The following ARMH3 variants were observed in gnomAD, a reference collection of about 807,000 sequenced individuals.
The protein encoded by ARMH3 is armadillo like helical domain containing 3, also known as armadillo-like helical domain-containing protein 3.
Under a neutral mutation model 99.1 loss-of-function variants are expected in ARMH3, and 60 were observed. The observed-to-expected ratio is 0.61, with a 90% CI of 0.49 to 0.75. ARMH3 has a LOEUF of 0.75. ARMH3 is among the 30% of genes least tolerant of loss of function. The pLI is 0.00. For missense variants in ARMH3, 679 were observed against 843.1 expected (o/e 0.81, Z 2.41); for synonymous variants, 285 against 292.8 (o/e 0.97, Z 0.27).
At chr10:101,971,351 G>A (rs373147236) in intron 20 of ARMH3, among the ~76,000 whole-genome samples, 18 of 152,082 alleles carry the variant, frequency 1.2e-4, no homozygotes, top group African/African-American at 4.1e-4. Flanking sequence ...GACAGAGGAG[G>A]GCAGATCACC....
At chr10:101,847,679 G>C in intron 25 of ARMH3, 59 bp from the exon 26 acceptor site, 1 of 1,505,552 alleles carries the variant, frequency 6.6e-7, no homozygotes, top group Non-Finnish European at 9.2e-7. Context: ...ACAGGAGAGA[G>C]TCAGTTCTAA....
chr10:101,905,916 G>A (rs1054439629), intron 23 of ARMH3, among the ~76,000 whole-genome samples: 2 of 152,130 alleles, frequency 1.3e-5, no homozygotes, highest in African/African-American at 4.8e-5. Context: ...TTGTCTGTCC[G>A]TCTTTTCCCG....
intron 24 of ARMH3, among the ~76,000 whole-genome samples, chr10:101,880,722 A>G (rs912557769): frequency 2.0e-5 from 3 of 152,158 alleles, no homozygotes; most frequent in Non-Finnish European, 4.4e-5. Context: ...AAGCTGAAGT[A>G]TCAGGCTCCA....
At chr10:102,022,420 A>G (rs2066905856) in intron 8 of ARMH3, among the ~76,000 whole-genome samples, 1 of 142,296 alleles carries the variant, frequency 7.0e-6, no homozygotes, top group Non-Finnish European at 1.5e-5. Context: ...TGAACCCAGG[A>G]GGCGGAGCTT....
chr10:101,875,399 G>T (rs1452197222), intron 24 of ARMH3, among the ~76,000 whole-genome samples: 1 of 152,098 alleles, frequency 6.6e-6, no homozygotes, highest in Non-Finnish European at 1.5e-5. Flanking sequence ...ATAATTATTT[G>T]GAAACAATGA....
intron 1 of ARMH3, among the ~76,000 whole-genome samples, chr10:102,052,702 T>G (rs2067736044): frequency 6.6e-6 from 1 of 152,162 alleles, no homozygotes; most frequent in Admixed American, 6.6e-5. Flanking sequence ...CACTATTAAG[T>G]GGAGGAAGTG....
intron 19 of ARMH3, among the ~76,000 whole-genome samples, chr10:101,978,175 T>A (rs1174323872): frequency 1.3e-5 from 2 of 152,036 alleles, no homozygotes; most frequent in African/African-American, 4.8e-5. Flanking sequence ...GAAACAGCAT[T>A]CATAATAAAA....
intron 24 of ARMH3, among the ~76,000 whole-genome samples, chr10:101,864,637 T>G (rs1165396706): frequency 5.9e-5 from 9 of 152,082 alleles, no homozygotes; most frequent in Non-Finnish European, 7.4e-5. Context: ...GCAAACTGTC[T>G]CAAGGACAGA....
chr10:101,965,019 GA>G (rs907011391), intron 20 of ARMH3, among the ~76,000 whole-genome samples: 22 of 145,978 alleles, frequency 1.5e-4, no homozygotes, highest in Non-Finnish European at 2.6e-4. Flanking sequence ...CTCAAAAAAA[GA>G]AAAAAAAAAG....
chr10:101,869,340 A>G (rs2067080630), intron 24 of ARMH3, among the ~76,000 whole-genome samples: 2 of 152,226 alleles, frequency 1.3e-5, no homozygotes, highest in Admixed American at 6.5e-5. Context: ...AGAACATTCA[A>G]CAAGATGGAC....
intron 20 of ARMH3, among the ~76,000 whole-genome samples, chr10:101,969,164 T>G (rs1368531854): frequency 6.6e-6 from 1 of 152,180 alleles, no homozygotes; most frequent in Non-Finnish European, 1.5e-5. Context: ...GCCTGGATAC[T>G]CTCTTCAAAA....
chr10:101,953,798 G>C (rs1046880490), intron 22 of ARMH3, among the ~76,000 whole-genome samples: 2 of 152,024 alleles, frequency 1.3e-5, no homozygotes, highest in East Asian at 3.8e-4. Flanking sequence ...AATAGAACAT[G>C]CATTTTGGAA....
At chr10:102,050,980 C>G (rs2067688508) in intron 1 of ARMH3, among the ~76,000 whole-genome samples, 1 of 150,078 alleles carries the variant, frequency 6.7e-6, no homozygotes, top group Non-Finnish European at 1.5e-5. Context: ...ATGGTGAAAC[C>G]CTGCCTCTAC....
chr10:101,903,387 A>G (rs2068025380), intron 23 of ARMH3, among the ~76,000 whole-genome samples: 1 of 152,220 alleles, frequency 6.6e-6, no homozygotes, highest in Non-Finnish European at 1.5e-5. Flanking sequence ...GAGATCAAGG[A>G]GTTCATAAAT....
chr10:102,003,466 AC>A (rs1474451705), intron 14 of ARMH3, among the ~76,000 whole-genome samples: 92 of 152,280 alleles, frequency 6.0e-4, no homozygotes, highest in African/African-American at 2.2e-3. Context: ...CTGGCCCAGA[AC>A]AAAGTCTTAA....
chr10:102,012,997 G>T, intron 9 of ARMH3, 121 bp from the exon 10 acceptor site: 1 of 735,956 alleles, frequency 1.4e-6, no homozygotes, highest in Non-Finnish European at 2.1e-6. Flanking sequence ...GAAAGTTGGC[G>T]ACAAGGACAG....
At chr10:102,027,467 G>A (rs113948782) in intron 5 of ARMH3, among the ~76,000 whole-genome samples, 51 of 152,186 alleles carry the variant, frequency 3.4e-4, no homozygotes, top group African/African-American at 1.1e-3. Context: ...CGTGGGGCCT[G>A]TGAAGACAGC....
At chr10:102,029,575 T>TA in intron 5 of ARMH3, 63 bp downstream of exon 5, 3 of 1,614,188 alleles carry the variant, frequency 1.9e-6, no homozygotes, top group Non-Finnish European at 2.5e-6. Context: ...TGTCTGCTGA[T>TA]AGTGTCCAGG....
chr10:101,850,705 G>A (rs1017407498), intron 24 of ARMH3, among the ~76,000 whole-genome samples: 6 of 152,058 alleles, frequency 3.9e-5, no homozygotes, highest in Non-Finnish European at 8.8e-5. Context: ...GATTACAGGC[G>A]TGAGCCACTG....
Sources: allele counts gnomAD v4.1 joint callset (sites outside exome capture counted in the v4.1 genomes callset), GRCh38; gene constraint gnomAD v4.1.1; transcripts MANE v1.5; gene names NCBI Gene and HGNC (gene_info 2026-07-23, HGNC 2026-07-21).